The following SLC17A5 variants were observed in gnomAD, a reference collection of about 807,000 sequenced individuals.
SLC17A5 encodes the protein solute carrier family 17 member 5.
Under a neutral mutation model 59.4 loss-of-function variants are expected in SLC17A5, and 47 were observed. That is an observed-to-expected ratio of 0.79 (90% confidence interval 0.63 to 1.01). The LOEUF (loss-of-function observed/expected upper bound fraction) is 1.01, where lower values mean the gene tolerates loss of function less well. SLC17A5 is among the 50% of genes least tolerant of loss of function. SLC17A5 has a pLI of 0.00. For synonymous variants in SLC17A5, 202 were observed against 210.7 expected (o/e 0.96, Z 0.36); for missense variants, 522 against 595.5 (o/e 0.88, Z 1.28).
intron 10 of SLC17A5, among the ~76,000 whole-genome samples, chr6:73,600,019 C>T (rs928474323): frequency 9.2e-5 from 14 of 152,262 alleles, no homozygotes; most frequent in Middle Eastern, 3.4e-3. Flanking sequence ...TGGTATTGAA[C>T]TCCTGACCTC....
At chr6:73,619,004 AGCCACTGCGCCCG>A (rs1768009347) in intron 7 of SLC17A5, among the ~76,000 whole-genome samples, 1 of 152,088 alleles carries the variant, frequency 6.6e-6, no homozygotes, top group South Asian at 2.1e-4. Flanking sequence ...TAGGTGCGTG[AGCCACTGCGCCCG>A]GCCACTGTAG....
At chr6:73,644,373 A>G (rs745879509) in intron 2 of SLC17A5, 34 bp downstream of exon 2, 79 of 1,514,850 alleles carry the variant, frequency 5.2e-5, no homozygotes, top group Non-Finnish European at 7.0e-5. Context: ...ATTTTAGGAT[A>G]ATTAAAATTG....
intron 10 of SLC17A5, 126 bp downstream of exon 10, chr6:73,600,225 T>A (rs887860778): frequency 3.8e-6 from 3 of 792,720 alleles, no homozygotes; most frequent in African/African-American, 3.5e-5. Context: ...GGCATTTAGC[T>A]TTTTGTTGCT....
At chr6:73,637,022 G>A (rs1473794780) in intron 4 of SLC17A5, among the ~76,000 whole-genome samples, 1 of 151,840 alleles carries the variant, frequency 6.6e-6, no homozygotes, top group Non-Finnish European at 1.5e-5. Context: ...AGCTGTTGAG[G>A]CTGCAGTGAG....
At chr6:73,605,432 C>G (rs1767347510) in intron 9 of SLC17A5, among the ~76,000 whole-genome samples, 1 of 151,894 alleles carries the variant, frequency 6.6e-6, no homozygotes, top group African/African-American at 2.4e-5. Context: ...CAGTTGTTAC[C>G]ACAACAAAAA....
At chr6:73,637,303 G>A (rs975814901) in intron 4 of SLC17A5, among the ~76,000 whole-genome samples, 2 of 152,154 alleles carry the variant, frequency 1.3e-5, no homozygotes, top group African/African-American at 2.4e-5. Flanking sequence ...CTATCTGCCA[G>A]AGATATAAGG....
chr6:73,645,247 G>A, intron 1 of SLC17A5: 1 of 878,544 alleles, frequency 1.1e-6, no homozygotes, highest in East Asian at 1.2e-4. Context: ...AAAATTTACT[G>A]CCAAGGGTAG....
intron 1 of SLC17A5, among the ~76,000 whole-genome samples, chr6:73,646,500 C>T (rs1357760561): frequency 6.6e-6 from 1 of 152,048 alleles, no homozygotes; most frequent in African/African-American, 2.4e-5. Context: ...GGTACCACTA[C>T]CATAGTTAGA....
At chr6:73,622,021 C>G in intron 6 of SLC17A5, 59 bp from the exon 7 acceptor site, 2 of 1,520,322 alleles carry the variant, frequency 1.3e-6, no homozygotes, top group Non-Finnish European at 1.8e-6. Flanking sequence ...TAGATCTGTA[C>G]CGTATCAGCT....
chr6:73,653,415 C>A, intron 1 of SLC17A5: 1 of 985,388 alleles, frequency 1.0e-6, no homozygotes, highest in Middle Eastern at 5.2e-4. Context: ...TTTGATGATT[C>A]TCTCCCAGTT....
In SLC17A5 at chr6:73,594,591, T is replaced by A. The variant is rs1766713806; in HGVS notation, c.*486A>T. 5.3e-6 allele frequency: 1 copy of A among 187,100 alleles called. No individual in the cohort carries two copies. Among genetic ancestry groups the A allele is most frequent in the Non-Finnish European group, 1.1e-5 (1 of 89,524 alleles). 11.6% of individuals were successfully genotyped at this position (187,100 alleles called of 1,614,324 possible). On this transcript the variant is annotated 3_prime_UTR_variant, in exon 11 of 11. Coordinates refer to ENST00000355773, the MANE Select transcript of SLC17A5 (RefSeq NM_012434.5). ...TGGCAGCTGCCTGGGCACACTCCCC[T>A]CAGTCCAGTTGCCAGGCGAAATTAT... is the stretch of plus-strand genomic sequence containing the variant.
chr6:73,593,489 TA>T lies in SLC17A5; in HGVS notation c.*1587del, dbSNP rs886061725. 27 of 152,222 alleles carry T rather than the reference TA, an allele frequency of 1.8e-4. No homozygotes were observed. The highest frequency in any genetic ancestry group is 6.5e-4 in the African/African-American group (27 of 41,462). 9.4% of individuals were successfully genotyped at this position (152,222 alleles called of 1,614,324 possible). A position where few individuals can be genotyped will look rare whatever the true frequency, so the allele number is the denominator to read the frequency against. The stretch of plus-strand genomic sequence containing the variant: ...GTACATAAATGTATTCACATCACAT[TA>T]AACAGTTTTAAAATATTACACGTAG... On this transcript the variant is annotated 3_prime_UTR_variant, in exon 11 of 11. Coordinates refer to ENST00000355773, the MANE Select transcript of SLC17A5 (RefSeq NM_012434.5).
At chr6:73,629,642 G>A (rs571228681) in intron 6 of SLC17A5, among the ~76,000 whole-genome samples, 2 of 151,910 alleles carry the variant, frequency 1.3e-5, no homozygotes, top group Non-Finnish European at 2.9e-5. Context: ...GGGCGTGGTG[G>A]TGCATGCCTG....
intron 10 of SLC17A5, among the ~76,000 whole-genome samples, chr6:73,600,025 AC>A (rs1766984702): frequency 6.6e-6 from 1 of 152,044 alleles, no homozygotes. Flanking sequence ...TGAACTCCTG[AC>A]CTCGTGATCC....
At chr6:73,644,071 A>G (rs3799293) in intron 2 of SLC17A5, among the ~76,000 whole-genome samples, 8,482 of 152,296 alleles carry the variant, frequency 0.056, 421 homozygotes, top group Admixed American at 0.16. Flanking sequence ...AGGGTTATAA[A>G]TAATACTCCT....
intron 6 of SLC17A5, among the ~76,000 whole-genome samples, chr6:73,624,753 G>A (rs1413626103): frequency 6.6e-6 from 1 of 151,954 alleles, no homozygotes; most frequent in African/African-American, 2.4e-5. Flanking sequence ...GCGACCTGTA[G>A]TCCCAGCTAC....
At chr6:73,641,294 G>T (rs1024774727) in intron 3 of SLC17A5, among the ~76,000 whole-genome samples, 1 of 152,104 alleles carries the variant, frequency 6.6e-6, no homozygotes, top group Non-Finnish European at 1.5e-5. Flanking sequence ...GGCCAGGCTG[G>T]TCTCAAACTC....
intron 1 of SLC17A5, among the ~76,000 whole-genome samples, chr6:73,650,198 A>C (rs1227698800): frequency 4.5e-4 from 6 of 13,262 alleles, no homozygotes; most frequent in East Asian, 5.4e-3. Context: ...TTTTTTCTAC[A>C]AAAAAAAAAA....
chr6:73,600,008 C>T (rs1299027105), intron 10 of SLC17A5, among the ~76,000 whole-genome samples: 2 of 152,112 alleles, frequency 1.3e-5, no homozygotes, highest in Non-Finnish European at 2.9e-5. Flanking sequence ...GTTGGTGAGG[C>T]TGGTATTGAA....
Sources: allele counts gnomAD v4.1 joint callset (sites outside exome capture counted in the v4.1 genomes callset), GRCh38; gene constraint gnomAD v4.1.1; transcripts MANE v1.5; gene names NCBI Gene and HGNC (gene_info 2026-07-23, HGNC 2026-07-21).